Variants in SLC39A11 observed in about 807,000 individuals in gnomAD.
SLC39A11 encodes the protein zinc transporter ZIP11.
Under a neutral mutation model 36.1 loss-of-function variants are expected in SLC39A11, and 33 were observed. That is an observed-to-expected ratio of 0.91 (90% CI 0.69 to 1.22). SLC39A11 has a LOEUF of 1.22. Among genes scored for constraint, SLC39A11 ranks in the 50% most tolerant of loss-of-function variants. The pLI, the probability that SLC39A11 is intolerant of heterozygous loss-of-function variation, is 0.00. For missense variants in SLC39A11, 432 were observed against 430.3 expected (o/e 1.00, Z -0.03); for synonymous variants, 166 against 170.3 (o/e 0.97, Z 0.20).
chr17:72,853,625 G>A (rs1051624144), intron 5 of SLC39A11, among the ~76,000 whole-genome samples: 1 of 152,070 alleles, frequency 6.6e-6, no homozygotes, highest in African/African-American at 2.4e-5. Flanking sequence ...TCCAATGTGT[G>A]AAAACTGACG....
At chr17:73,007,061 C>T (rs1161423459) in intron 4 of SLC39A11, among the ~76,000 whole-genome samples, 1 of 152,212 alleles carries the variant, frequency 6.6e-6, no homozygotes, top group East Asian at 1.9e-4. Flanking sequence ...TACAGCCCAT[C>T]AGCGACATGG....
At chr17:72,760,633 A>G (rs867594127) in intron 6 of SLC39A11, among the ~76,000 whole-genome samples, 22 of 152,210 alleles carry the variant, frequency 1.4e-4, no homozygotes, top group African/African-American at 5.3e-4. Flanking sequence ...GAAACCATTT[A>G]AAGGACACCT....
intron 7 of SLC39A11, among the ~76,000 whole-genome samples, chr17:72,665,139 C>T (rs1319328623): frequency 1.3e-5 from 2 of 152,138 alleles, no homozygotes; most frequent in African/African-American, 4.8e-5. Flanking sequence ...ATTCAAGCAG[C>T]CATGTGGAGG....
intron 6 of SLC39A11, among the ~76,000 whole-genome samples, chr17:72,782,183 C>T (rs1448290043): frequency 6.6e-6 from 1 of 152,088 alleles, no homozygotes; most frequent in Non-Finnish European, 1.5e-5. Context: ...GAGGAGAAGA[C>T]AATCTCAGGA....
At chr17:73,015,666 C>A (rs1461296737) in intron 4 of SLC39A11, among the ~76,000 whole-genome samples, 1 of 152,108 alleles carries the variant, frequency 6.6e-6, no homozygotes, top group Non-Finnish European at 1.5e-5. Flanking sequence ...TCACTGCAAC[C>A]CCCACCTCCA....
intron 6 of SLC39A11, among the ~76,000 whole-genome samples, chr17:72,801,834 G>T (rs1376827145): frequency 6.6e-6 from 1 of 152,080 alleles, no homozygotes; most frequent in African/African-American, 2.4e-5. Context: ...ATAAAAACTG[G>T]TAGATTTTAT....
At chr17:72,677,128 G>A (rs1227267466) in intron 7 of SLC39A11, among the ~76,000 whole-genome samples, 1 of 152,216 alleles carries the variant, frequency 6.6e-6, no homozygotes, top group Non-Finnish European at 1.5e-5. Context: ...GTGGCTGAGG[G>A]TGGTGTCAGG....
At chr17:72,672,879 G>T (rs530846185) in intron 7 of SLC39A11, among the ~76,000 whole-genome samples, 16 of 152,282 alleles carry the variant, frequency 1.1e-4, no homozygotes, top group Non-Finnish European at 1.8e-4. Context: ...CAAGGGCTGG[G>T]ATTACAGGTG....
chr17:72,763,714 G>A (rs2075669269), intron 6 of SLC39A11, among the ~76,000 whole-genome samples: 1 of 152,192 alleles, frequency 6.6e-6, no homozygotes, highest in Non-Finnish European at 1.5e-5. Context: ...CCAGGAATTT[G>A]CTTAGAATTG....
intron 6 of SLC39A11, among the ~76,000 whole-genome samples, chr17:72,776,555 A>G (rs1029284713): frequency 6.0e-5 from 9 of 150,048 alleles, no homozygotes; most frequent in Middle Eastern, 6.9e-3. Flanking sequence ...CTTTCGTTTC[A>G]TATTGACTAT....
chr17:72,958,897 C>G (rs2086419874), intron 4 of SLC39A11, among the ~76,000 whole-genome samples: 1 of 150,770 alleles, frequency 6.6e-6, no homozygotes, highest in South Asian at 2.1e-4. Flanking sequence ...CACAAATGGC[C>G]AAGAAACATA....
chr17:72,864,933 G>GGCTGTTTTGCAAATTTAAGGGAGT, intron 5 of SLC39A11, among the ~76,000 whole-genome samples: 1 of 152,194 alleles, frequency 6.6e-6, no homozygotes. Context: ...GAGTAAAGAT[G>GGCTGTTTTGCAAATTTAAGGGAGT]AAAGCATGGC....
intron 4 of SLC39A11, among the ~76,000 whole-genome samples, chr17:72,971,317 TACACACACAC>T (rs533324650): frequency 4.8e-5 from 7 of 144,642 alleles, no homozygotes; most frequent in African/African-American, 1.5e-4. Flanking sequence ...CACACACACA[TACACACACAC>T]ACACACACAC....
intron 4 of SLC39A11, among the ~76,000 whole-genome samples, chr17:72,981,103 A>G (rs2088268481): frequency 1.3e-5 from 2 of 152,186 alleles, no homozygotes; most frequent in South Asian, 2.1e-4. Flanking sequence ...GGGGAAGGAA[A>G]CAGGTGAAAT....
At chr17:72,781,635 C>T (rs909508145) in intron 6 of SLC39A11, among the ~76,000 whole-genome samples, 1 of 151,956 alleles carries the variant, frequency 6.6e-6, no homozygotes, top group Non-Finnish European at 1.5e-5. Context: ...GTGTTAACCA[C>T]GTCTTGGTCT....
chr17:72,970,568 A>AC (rs1174116595), intron 4 of SLC39A11, among the ~76,000 whole-genome samples: 5 of 134,866 alleles, frequency 3.7e-5, no homozygotes, highest in Admixed American at 2.1e-4. Flanking sequence ...CTACACACAC[A>AC]AAAAAAACCA....
intron 4 of SLC39A11, among the ~76,000 whole-genome samples, chr17:72,983,804 G>A (rs566923158): frequency 1.8e-4 from 27 of 152,298 alleles, no homozygotes; most frequent in African/African-American, 4.8e-4. Flanking sequence ...CGGTGAGAAC[G>A]AAGTCGGAAG....
chr17:73,029,077 C>T (rs1429516195), intron 4 of SLC39A11, among the ~76,000 whole-genome samples: 4 of 150,972 alleles, frequency 2.6e-5, no homozygotes, highest in Non-Finnish European at 5.9e-5. Context: ...AAGATCACGC[C>T]ATTGCACTCC....
At chr17:72,917,810 G>A (rs751765545) in intron 5 of SLC39A11, among the ~76,000 whole-genome samples, 6 of 152,186 alleles carry the variant, frequency 3.9e-5, no homozygotes, top group Admixed American at 6.5e-5. Flanking sequence ...AAGGAGCTGC[G>A]TTGTTTTCTC....
Sources: allele counts gnomAD v4.1 joint callset (sites outside exome capture counted in the v4.1 genomes callset), GRCh38; gene constraint gnomAD v4.1.1; transcripts MANE v1.5; gene names NCBI Gene and HGNC (gene_info 2026-07-23, HGNC 2026-07-21).